PLA2G4D: variants seen among roughly 807,000 people sequenced by gnomAD.
The protein encoded by PLA2G4D is cytosolic phospholipase A2 delta.
A neutral mutation model predicts 94.4 loss-of-function variants in PLA2G4D; 80 were observed. The ratio of observed to expected loss-of-function variants is 0.85; its 90% CI spans 0.71 to 1.02. The LOEUF (loss-of-function observed/expected upper bound fraction) is 1.02, where lower values mean the gene tolerates loss of function less well. PLA2G4D is among the 50% of genes least tolerant of loss of function. The probability of loss-of-function intolerance (pLI) is 0.00; values close to 1 mark genes in which losing one functional copy is unlikely to be tolerated. For synonymous variants in PLA2G4D, 438 were observed against 440.9 expected (o/e 0.99, Z 0.08); for missense variants, 1,050 against 1,034.7 (o/e 1.01, Z -0.20).
chr15:42,084,351 G>C lies in PLA2G4D; in HGVS notation c.472-572C>G, dbSNP rs914128548. On this transcript the variant is annotated intron_variant, in intron 6 of 19. Coordinates refer to ENST00000290472, the MANE Select transcript of PLA2G4D (RefSeq NM_178034.4). The surrounding 1 kb of genome is among the most constrained non-coding windows in gnomAD (Gnocchi z 4.8). Reference sequence around the variant, plus strand: ...ATCACTGAATTTGCCCACCTGCTGTGTGTCTCCATCACCTCCTAAGAGGCA... The same window carrying C: ...ATCACTGAATTTGCCCACCTGCTGTCTGTCTCCATCACCTCCTAAGAGGCA... Among the ~76,000 whole-genome samples the C allele has an allele frequency of 2.6e-5, 4 of 152,140 alleles. No individual in the cohort carries two copies. Among genetic ancestry groups the C allele is most frequent in the African/African-American group, 9.7e-5 (4 of 41,422 alleles).
intron 13 of PLA2G4D, among the ~76,000 whole-genome samples, chr15:42,078,358 C>A (rs371476494): frequency 6.6e-6 from 1 of 152,304 alleles, no homozygotes; most frequent in East Asian, 1.9e-4. Context: ...GGAGGGTATA[C>A]AAAGGGCTTT....
In PLA2G4D at chr15:42,081,354, C is replaced by T. The variant is rs867482386; in HGVS notation, c.957+125G>A. 2.8e-5 allele frequency: 41 copies of T among 1,474,280 alleles called. No individual in the cohort carries two copies. The Middle Eastern group carries it at 1.7e-3, about 61-fold the overall frequency. The allele number at this position is 1,474,280 out of a possible 1,614,324, so 91.3% of individuals were successfully genotyped here. ...GTTAGAACCACAAAGCCCACTCACG[C>T]TCCCATGTCTCCACACACATGCCCA... On this transcript the variant is annotated intron_variant, in intron 11 of 19. Coordinates refer to ENST00000290472, the MANE Select transcript of PLA2G4D (RefSeq NM_178034.4).
At chr15:42,083,575 T>A in intron 7 of PLA2G4D, 141 bp downstream of exon 7, 1 of 1,134,054 alleles carries the variant, frequency 8.8e-7, no homozygotes, top group Non-Finnish European at 1.3e-6. Flanking sequence ...CGGAGATGCG[T>A]GGCCCTCTGT....
At position 42,071,846 on chromosome 15, in the gene PLA2G4D, G is replaced by A; in HGVS notation, c.1501C>T (p.Leu501Phe). The A allele has an allele frequency of 6.2e-7, 1 of 1,614,176 alleles. No homozygotes were observed. The highest frequency in any genetic ancestry group is 8.5e-7 in the Non-Finnish European group (1 of 1,180,020). The change falls in exon 15 of 20, where the codon CTC becomes TTC. Residue 501 changes from leucine to phenylalanine, a missense_variant. Transcript: ENST00000290472. ...CCCATGAAGAACTCGGAGCCGAAGA[G>A]CTCAGGAGGGACGAAGGCCCCGTAC... is the stretch of plus-strand genomic sequence containing the variant. ...LKYGAFVPPE[L>F]FGSEFFMGRL...
At position 42,071,466 on chromosome 15, in the gene PLA2G4D, G is replaced by A; in HGVS notation, c.1659C>T (p.Ile553=). 1.2e-6 allele frequency: 2 copies of A among 1,613,602 alleles called. No homozygotes were observed. Among genetic ancestry groups the A allele is most frequent in the Non-Finnish European group, 1.7e-6 (2 of 1,179,686 alleles). The part of the protein sequence containing the change: ...TSSGESWKQH[I]KDKTRSLEKE... The stretch of plus-strand genomic sequence containing the variant: ...CACCTAAGCTCCTGGTCTTGTCCTT[G>A]ATGTGCTGTTTCCAGGACTCCCCAG... The change falls in exon 16 of 20, where the codon ATC becomes ATT. Residue 553 remains isoleucine (I), a synonymous_variant. Transcript: ENST00000290472.
Position 42,083,706 on chromosome 15 carries a change from C to T in PLA2G4D, c.535+10G>A, listed in dbSNP as rs777309725. ...GGCAGAGTCCAGGCCTGGTTCTAAG[C>T]TGGTCTCACCTGCAACCACAGCGGT... On this transcript the variant is annotated intron_variant, in intron 7 of 19. Coordinates refer to ENST00000290472, the MANE Select transcript of PLA2G4D (RefSeq NM_178034.4). 6.2e-7 allele frequency: 1 copy of T among 1,613,828 alleles called. No individual in the cohort carries two copies. The highest frequency in any genetic ancestry group is 1.3e-5 in the African/African-American group (1 of 74,932).
chr15:42,083,566 G>T, intron 7 of PLA2G4D, 150 bp downstream of exon 7: 1 of 1,094,916 alleles, frequency 9.1e-7, no homozygotes, highest in Non-Finnish European at 1.3e-6. Flanking sequence ...CCTGCCCAGC[G>T]GAGATGCGTG....
At chr15:42,072,646 A>G (rs1416480194) in intron 13 of PLA2G4D, among the ~76,000 whole-genome samples, 2 of 152,202 alleles carry the variant, frequency 1.3e-5, no homozygotes, top group East Asian at 3.8e-4. Context: ...CATAGGGACC[A>G]CAATGCCAGC....
intron 13 of PLA2G4D, among the ~76,000 whole-genome samples, chr15:42,072,875 C>T (rs1325605986): frequency 1.3e-5 from 2 of 152,334 alleles, no homozygotes; most frequent in Non-Finnish European, 2.9e-5. Flanking sequence ...CGAATGCTTT[C>T]CTGACATCCT....
At chr15:42,078,796 C>T (rs748257521) in intron 13 of PLA2G4D, among the ~76,000 whole-genome samples, 1 of 152,262 alleles carries the variant, frequency 6.6e-6, no homozygotes, top group East Asian at 1.9e-4. Flanking sequence ...TTGTTTCAAA[C>T]GCTTTTGAAG....
intron 6 of PLA2G4D, 76 bp from the exon 7 acceptor site, chr15:42,083,855 C>G: frequency 6.9e-7 from 1 of 1,439,348 alleles, no homozygotes; most frequent in Non-Finnish European, 9.7e-7. Context: ...CCTCTGAGAC[C>G]CACTGTCCCA....
rs1555391829 is a variant in PLA2G4D at position 42,085,104 on chromosome 15, C to T, written c.463G>A (p.Val155Ile). The change falls in exon 6 of 20, where the codon GTC becomes ATC. Residue 155 changes from valine to isoleucine, a missense_variant. Val to Ile is a conservative substitution (Grantham distance 29). Coordinates refer to ENST00000290472, the MANE Select transcript of PLA2G4D (RefSeq NM_178034.4). ...DRPENLITNK[V>I]IVARELSCLD... ...CTGGGGAAGGTGCTTACCACAATGA[C>T]TTTGTTGGTGATGAGGTTTTCTGGG... is the stretch of plus-strand genomic sequence containing the variant. 1 of 1,614,208 alleles carries T rather than the reference C, an allele frequency of 6.2e-7. No homozygotes were observed. Among genetic ancestry groups the T allele is most frequent in the Non-Finnish European group, 8.5e-7 (1 of 1,180,022 alleles).
chr15:42,093,909 A>G (rs1459948781), intron 1 of PLA2G4D, among the ~76,000 whole-genome samples: 1 of 151,906 alleles, frequency 6.6e-6, no homozygotes, highest in Non-Finnish European at 1.5e-5. Flanking sequence ...AACACATGAC[A>G]GAGGGTGGGG....
intron 13 of PLA2G4D, 60 bp from the exon 14 acceptor site, chr15:42,072,452 C>T (rs964037844): frequency 7.1e-7 from 1 of 1,416,014 alleles, no homozygotes; most frequent in Admixed American, 1.7e-5. Flanking sequence ...GGCAGTGGCT[C>T]CGCCAGGACA....
At position 42,070,762 on chromosome 15, in the gene PLA2G4D, C is replaced by G; in HGVS notation, c.1998G>C (p.Leu666=). The change falls in exon 18 of 20, where the codon CTG becomes CTC. Residue 666 remains leucine, a synonymous_variant. Coordinates refer to ENST00000290472, the MANE Select transcript of PLA2G4D (RefSeq NM_178034.4). The stretch of plus-strand genomic sequence containing the variant: ...AGTAGTCGAAGGAGAGGATGAGGTC[C>G]AGCCTGCGGCCTGGCCGGAACATGG... The part of the protein sequence containing the change: ...SPSMFRPGRR[L]DLILSFDYSL... 2 of 1,583,922 alleles carry G rather than the reference C, an allele frequency of 1.3e-6. No homozygotes were observed. The highest frequency in any genetic ancestry group is 2.7e-5 in the African/African-American group (2 of 74,544).
chr15:42,077,412 C>T (rs369320838), intron 13 of PLA2G4D, among the ~76,000 whole-genome samples: 19 of 152,298 alleles, frequency 1.2e-4, no homozygotes, highest in Middle Eastern at 3.4e-3. Context: ...ATCCCAGGAA[C>T]GCAAGGATGG....
intron 1 of PLA2G4D, among the ~76,000 whole-genome samples, chr15:42,089,642 C>T (rs1890215799): frequency 6.6e-6 from 1 of 152,220 alleles, no homozygotes; most frequent in Admixed American, 6.5e-5. Flanking sequence ...GATTCCACCA[C>T]TGCCGGCCAC....
At position 42,087,366 on chromosome 15, in the gene PLA2G4D, C is replaced by T. The variant is rs1279254429; in HGVS notation, c.189G>A (p.Thr63=). ...ACACAGGATGACTGGTGTCGGTGAG[C>T]GTCTTGGTCTTAAACTTCATTCCAG... ...TAPGMKFKTK[T]LTDTSHPVWN... The change falls in exon 3 of 20, where the codon ACG becomes ACA. Residue 63 remains threonine (T), a synonymous_variant. Transcript: ENST00000290472. 8.1e-6 allele frequency: 13 copies of T among 1,614,166 alleles called. No individual in the cohort carries two copies. Among genetic ancestry groups the T allele is most frequent in the East Asian group, 4.5e-5 (2 of 44,888 alleles).
intron 13 of PLA2G4D, 118 bp downstream of exon 13, chr15:42,079,419 A>C: frequency 9.8e-7 from 1 of 1,015,770 alleles, no homozygotes; most frequent in Non-Finnish European, 1.4e-6. Flanking sequence ...GGCAGACACT[A>C]AAACACTGGC....
Sources: allele counts gnomAD v4.1 joint callset (sites outside exome capture counted in the v4.1 genomes callset), GRCh38; gene constraint gnomAD v4.1.1; non-coding constraint Gnocchi (gnomAD v3.1); transcripts MANE v1.5; gene names NCBI Gene and HGNC (gene_info 2026-07-23, HGNC 2026-07-21).